Variants in INTS14 observed in about 807,000 individuals in gnomAD.
INTS14 encodes integrator complex subunit 14.
A neutral mutation model predicts 56.9 loss-of-function variants in INTS14; 27 were observed. That is an observed-to-expected ratio of 0.47 (90% CI 0.35 to 0.65). The LOEUF (loss-of-function observed/expected upper bound fraction) is 0.65. INTS14 is among the 30% of genes least tolerant of loss of function. The pLI is 0.00. For missense variants in INTS14, 517 were observed against 632.2 expected (o/e 0.82, Z 1.95); for synonymous variants, 207 against 236.2 (o/e 0.88, Z 1.13).
At chr15:65,582,161 A>C (rs530178236) in intron 10 of INTS14, 142 bp from the exon 11 acceptor site, 2 of 717,188 alleles carry the variant, frequency 2.8e-6, no homozygotes, top group East Asian at 5.6e-5. Context: ...CTTCTGAGTT[A>C]ATGTCAGTTC....
chr15:65,583,238 T>G (rs949293817), intron 10 of INTS14, among the ~76,000 whole-genome samples: 1 of 152,258 alleles, frequency 6.6e-6, no homozygotes, highest in East Asian at 1.9e-4. Context: ...AACTTATACA[T>G]GAATGTTTGT....
intron 2 of INTS14, among the ~76,000 whole-genome samples, 154 bp downstream of exon 2, chr15:65,607,005 C>T (rs1197015678): frequency 6.6e-6 from 1 of 152,206 alleles, no homozygotes; most frequent in Non-Finnish European, 1.5e-5. Flanking sequence ...ATAAGACCTA[C>T]TGGTTGTGAA....
chr15:65,600,201 G>T (rs927871415), intron 3 of INTS14, among the ~76,000 whole-genome samples: 1 of 151,980 alleles, frequency 6.6e-6, no homozygotes, highest in Admixed American at 6.6e-5. Flanking sequence ...GTCCCAGCAC[G>T]TTGGGAGGCT....
rs528491562 is a variant in INTS14 at position 65,593,692 on chromosome 15, A to G, written c.842-120T>C. The G allele has an allele frequency of 3.3e-5, 40 of 1,197,022 alleles. No individual in the cohort carries two copies. The East Asian group carries it at 9.2e-4, about 28-fold the overall frequency. 74.2% of individuals were successfully genotyped at this position (1,197,022 alleles called of 1,614,324 possible). Reference sequence around the variant, plus strand: ...TAGTGTAGAGTTCTAAGGGAATATTATAACAAGCAGGAAAAACTCATTCCA... The same window carrying G: ...TAGTGTAGAGTTCTAAGGGAATATTGTAACAAGCAGGAAAAACTCATTCCA... On this transcript the variant is annotated intron_variant, in intron 7 of 11. Coordinates refer to ENST00000313182, the MANE Select transcript of INTS14 (RefSeq NM_001394796.1).
At position 65,599,813 on chromosome 15, in the gene INTS14, T is replaced by C. The variant is rs763909029; in HGVS notation, c.447A>G (p.Pro149=). The C allele has an allele frequency of 6.2e-7, 1 of 1,614,128 alleles. No homozygotes were observed. Among genetic ancestry groups the C allele is most frequent in the Non-Finnish European group, 8.5e-7 (1 of 1,180,024 alleles). ...SNRFPLPFPF[P]SKLYIMCMAN... is the part of the protein sequence containing the mutation. ...CCATGCACATGATATATAACTTAGA[T>C]GGGAAAGGAAAAGGTAGTGGAAACC... The change falls in exon 4 of 12, where the codon CCA becomes CCG. Residue 149 remains proline (P), a synonymous_variant. Transcript: ENST00000313182.
intron 3 of INTS14, among the ~76,000 whole-genome samples, chr15:65,604,440 G>A (rs1257592788): frequency 6.6e-6 from 1 of 152,202 alleles, no homozygotes; most frequent in African/African-American, 2.4e-5. Flanking sequence ...GGTTAAGTTT[G>A]CTGAATAAAG....
chr15:65,594,559 T>TG (rs1192891928), intron 7 of INTS14, among the ~76,000 whole-genome samples: 1 of 148,966 alleles, frequency 6.7e-6, no homozygotes, highest in Non-Finnish European at 1.5e-5. Context: ...CGCCCAGGTT[T>TG]TTTTTTTTTT....
intron 8 of INTS14, 91 bp downstream of exon 8, chr15:65,593,337 T>A: frequency 6.9e-7 from 1 of 1,454,544 alleles, no homozygotes; most frequent in South Asian, 1.4e-5. Context: ...GACAAGGACC[T>A]TTCTATTTCC....
rs760859429 is a variant in INTS14, at chr15:65,599,802, T to C, written c.458A>G (p.Tyr153Cys). The C allele has an allele frequency of 7.4e-6, 12 of 1,614,052 alleles. No individual in the cohort carries two copies. The highest frequency in any genetic ancestry group is 1.3e-5 in the African/African-American group (1 of 74,908). The change falls in exon 4 of 12, where the codon TAT becomes TGT. Residue 153 changes from tyrosine to cysteine, a missense_variant. Physicochemically the swap from Tyr to Cys is radical, Grantham distance 194 (BLOSUM62 -2). Coordinates refer to ENST00000313182, the MANE Select transcript of INTS14 (RefSeq NM_001394796.1). The stretch of plus-strand genomic sequence containing the variant: ...CTCCAAATTCGCCATGCACATGATA[T>C]ATAACTTAGATGGGAAAGGAAAAGG... ...PLPFPFPSKL[Y>C]IMCMANLEEL...
chr15:65,582,961 A>G (rs776812834), intron 10 of INTS14, among the ~76,000 whole-genome samples: 8 of 152,208 alleles, frequency 5.3e-5, no homozygotes, highest in Admixed American at 1.3e-4. Context: ...TTGGTCATCA[A>G]GGAAATGCAA....
At chr15:65,608,019 T>A (rs2073717256) in intron 1 of INTS14, among the ~76,000 whole-genome samples, 1 of 152,184 alleles carries the variant, frequency 6.6e-6, no homozygotes, top group South Asian at 2.1e-4. Context: ...TCAGCCTCAG[T>A]AGTATTCATT....
intron 5 of INTS14, 143 bp downstream of exon 5, chr15:65,598,729 A>G (rs2073310577): frequency 1.3e-6 from 1 of 764,238 alleles, no homozygotes; most frequent in African/African-American, 1.8e-5. Flanking sequence ...AACCATTACT[A>G]CCCATCACTT....
chr15:65,599,956 T>C (rs2073366588), intron 3 of INTS14, 27 bp from the exon 4 acceptor site: 4 of 1,601,042 alleles, frequency 2.5e-6, no homozygotes, highest in Non-Finnish European at 3.4e-6. Flanking sequence ...AGAGAGGAGG[T>C]TGTACATTAA....
chr15:65,601,437 G>A (rs535094450), intron 3 of INTS14, among the ~76,000 whole-genome samples: 2 of 152,274 alleles, frequency 1.3e-5, no homozygotes, highest in East Asian at 3.9e-4. Context: ...CCGCCTCCCA[G>A]GTTAAAGTGA....
intron 8 of INTS14, among the ~76,000 whole-genome samples, chr15:65,592,138 G>A (rs1406752389): frequency 1.3e-5 from 2 of 152,210 alleles, no homozygotes; most frequent in African/African-American, 4.8e-5. Context: ...CCATCATCCT[G>A]TTATGTAAAA....
intron 11 of INTS14, 119 bp from the exon 12 acceptor site, chr15:65,579,778 G>A (rs1010838409): frequency 5.0e-6 from 7 of 1,392,402 alleles, no homozygotes; most frequent in South Asian, 3.0e-5. Context: ...TTTTATATGA[G>A]AACAAATGTT....
intron 7 of INTS14, among the ~76,000 whole-genome samples, chr15:65,595,337 T>C (rs1566925525): frequency 6.6e-6 from 1 of 152,206 alleles, no homozygotes; most frequent in Non-Finnish European, 1.5e-5. Context: ...TGGGCACCAG[T>C]AGAACAAAGA....
rs892846847 is a variant in INTS14, at chr15:65,598,257, T to C, written c.748+64A>G. 12 of 1,506,338 alleles carry C rather than the reference T, an allele frequency of 8.0e-6. No homozygotes were observed. The East Asian group carries it at 2.3e-4, about 28-fold the overall frequency. 93.3% of individuals were successfully genotyped at this position (1,506,338 alleles called of 1,614,324 possible). ...TCCTAGACAGAGAAGAGAGTAAAAG[T>C]CACAAGTCAGAAGAAAGTAAGGATA... On this transcript the variant is annotated intron_variant, in intron 6 of 11. Transcript: ENST00000313182.
chr15:65,595,730 C>T lies in INTS14; in HGVS notation c.841+3G>A, dbSNP rs539073146. The T allele has an allele frequency of 1.3e-5, 20 of 1,599,762 alleles. No homozygotes were observed. Among genetic ancestry groups the T allele is most frequent in the African/African-American group, 8.1e-5 (6 of 74,340 alleles). On this transcript the variant is annotated splice_donor_region_variant and intron_variant, in intron 7 of 11. Coordinates refer to ENST00000313182, the MANE Select transcript of INTS14 (RefSeq NM_001394796.1). The stretch of plus-strand genomic sequence containing the variant: ...CAGACGTATCAGTGGAATAGGAACT[C>T]ACCTTTGTTAAGTGCTATAGGTAAG...
Sources: allele counts gnomAD v4.1 joint callset (sites outside exome capture counted in the v4.1 genomes callset), GRCh38; gene constraint gnomAD v4.1.1; transcripts MANE v1.5; gene names NCBI Gene and HGNC (gene_info 2026-07-23, HGNC 2026-07-21).